ZMIZ1: variants seen among roughly 807,000 people sequenced by gnomAD.
ZMIZ1 encodes zinc finger MIZ-type containing 1.
ZMIZ1 carries 17 observed loss-of-function variants against 113.9 expected under a neutral mutation model. The observed-to-expected ratio is 0.15, with a 90% CI of 0.10 to 0.22. The LOEUF (loss-of-function observed/expected upper bound fraction) is 0.22. Ranked by LOEUF, ZMIZ1 falls within the 10% of genes least tolerant of loss-of-function variation. The pLI is 1.00. For synonymous variants in ZMIZ1, 607 were observed against 603.1 expected (o/e 1.01, Z -0.09); for missense variants, 1,059 against 1,477.8 (o/e 0.72, Z 4.65).
rs73302178 is a variant in ZMIZ1, at chr10:79,227,632, T to C, written c.280+11358T>C. Among the ~76,000 whole-genome samples the C allele has an allele frequency of 2.5e-3, 377 of 152,354 alleles. 3 individuals are homozygous for C. Among genetic ancestry groups the C allele is most frequent in the African/African-American group, 8.6e-3 (357 of 41,590 alleles). Reference sequence around the variant, plus strand: ...GGCCAGGTGTATAGGACATGCTGTATATGCGTGAGAAATTTTATTCCAGCC... The same window carrying C: ...GGCCAGGTGTATAGGACATGCTGTACATGCGTGAGAAATTTTATTCCAGCC... On this transcript the variant is annotated intron_variant, in intron 7 of 24. Coordinates refer to ENST00000334512, the MANE Select transcript of ZMIZ1 (RefSeq NM_020338.4).
In ZMIZ1 at chr10:79,252,396, G is replaced by A. The variant is rs546646544; in HGVS notation, c.281-24785G>A. ...TCTCCCCTGGGGTTTCTTCCCAGGT[G>A]TGGCTTTCCTGGTCATCCCCTCCTC... On this transcript the variant is annotated intron_variant, in intron 7 of 24. Transcript: ENST00000334512. Among the ~76,000 whole-genome samples, 13 of 152,250 alleles carry A rather than the reference G, an allele frequency of 8.5e-5. No homozygotes were observed. In the South Asian group the frequency reaches 2.7e-3, roughly 32 times the overall value.
At chr10:79,312,530 G>T in intron 24 of ZMIZ1, 112 bp from the exon 25 acceptor site, 2 of 1,119,636 alleles carry the variant, frequency 1.8e-6, no homozygotes, top group South Asian at 2.7e-5. Context: ...TTTTTGGCTA[G>T]GGTCCTGAGA....
chr10:79,140,400 C>T (rs145220895), intron 3 of ZMIZ1, among the ~76,000 whole-genome samples: 156 of 152,336 alleles, frequency 1.0e-3, no homozygotes, highest in Admixed American at 3.5e-3. Context: ...GCTCTGGCCA[C>T]GCCACAGCAG....
intron 3 of ZMIZ1, among the ~76,000 whole-genome samples, chr10:79,143,599 G>T (rs995130841): frequency 6.6e-6 from 1 of 152,176 alleles, no homozygotes; most frequent in Non-Finnish European, 1.5e-5. Flanking sequence ...GGGTTTCTGC[G>T]CTGAGAACTG....
At chr10:79,078,418 G>A (rs1361492796) in intron 1 of ZMIZ1, among the ~76,000 whole-genome samples, 9 of 152,002 alleles carry the variant, frequency 5.9e-5, no homozygotes, top group Non-Finnish European at 1.2e-4. Flanking sequence ...TGGCTTCTCA[G>A]GGCCACCAGT....
intron 16 of ZMIZ1, 141 bp downstream of exon 16, chr10:79,299,332 C>A: frequency 2.4e-6 from 3 of 1,264,384 alleles, no homozygotes; most frequent in Non-Finnish European, 2.1e-6. Context: ...ATTGACTGGG[C>A]CCTGTCCTGC....
intron 5 of ZMIZ1, among the ~76,000 whole-genome samples, chr10:79,202,452 A>AG (rs911954905): frequency 2.0e-4 from 31 of 152,040 alleles, no homozygotes; most frequent in Non-Finnish European, 3.2e-4. Context: ...TTTTAAAAAA[A>AG]GAAAAAAAAA....
At position 79,292,329 on chromosome 10, in the gene ZMIZ1, G is replaced by A. The variant is rs1047868875; in HGVS notation, c.930G>A (p.Gln310=). ...TATVAALQET[Q]NKDINQYGPM... is the part of the protein sequence containing the mutation. ...CTGTGGCAGCCCTGCAGGAGACACA[G>A]AACAAGGATATAAACCAGTATGGAC... Residue 310 remains glutamine, a synonymous_variant, in exon 11 of 25, where the codon CAG becomes CAA. Coordinates refer to ENST00000334512, the MANE Select transcript of ZMIZ1 (RefSeq NM_020338.4). 1 of 1,613,206 alleles carries A rather than the reference G, an allele frequency of 6.2e-7. No individual in the cohort carries two copies. The highest frequency in any genetic ancestry group is 1.1e-5 in the South Asian group (1 of 91,044).
At chr10:79,111,703 C>T (rs1843748772) in intron 1 of ZMIZ1, among the ~76,000 whole-genome samples, 1 of 152,254 alleles carries the variant, frequency 6.6e-6, no homozygotes, top group African/African-American at 2.4e-5. Context: ...AATTCCCAAG[C>T]TTGCCCCTTC....
chr10:79,273,938 T>C (rs1852103461), intron 7 of ZMIZ1, among the ~76,000 whole-genome samples: 1 of 152,238 alleles, frequency 6.6e-6, no homozygotes, highest in Non-Finnish European at 1.5e-5. Context: ...GGCAGTCACA[T>C]GTACTGGCCA....
intron 1 of ZMIZ1, among the ~76,000 whole-genome samples, chr10:79,092,158 A>G (rs1843001537): frequency 6.6e-6 from 1 of 152,164 alleles, no homozygotes; most frequent in African/African-American, 2.4e-5. Flanking sequence ...CTCAACCTGC[A>G]AAATGGGGAG....
intron 4 of ZMIZ1, among the ~76,000 whole-genome samples, chr10:79,185,508 CTT>C (rs72515568): frequency 6.7e-6 from 1 of 148,414 alleles, no homozygotes; most frequent in Non-Finnish European, 1.5e-5. Context: ...ACTTCTACAT[CTT>C]TTTTTTTTTC....
chr10:79,236,794 C>CT (rs1368766174), intron 7 of ZMIZ1, among the ~76,000 whole-genome samples: 1 of 152,218 alleles, frequency 6.6e-6, no homozygotes, highest in African/African-American at 2.4e-5. Context: ...GCAGCTGGTC[C>CT]TTGTTTCATT....
intron 7 of ZMIZ1, among the ~76,000 whole-genome samples, chr10:79,272,592 C>T (rs1203317043): frequency 2.0e-5 from 3 of 152,190 alleles, no homozygotes; most frequent in Non-Finnish European, 2.9e-5. Context: ...GTGCTAGCCT[C>T]GCCTGCTTCA....
intron 5 of ZMIZ1, among the ~76,000 whole-genome samples, chr10:79,207,727 C>A (rs529085769): frequency 2.0e-5 from 3 of 152,166 alleles, no homozygotes; most frequent in African/African-American, 7.2e-5. Flanking sequence ...AGTACAGGCA[C>A]GTGTGCTTCC....
chr10:79,255,582 T>A (rs1457245246), intron 7 of ZMIZ1, among the ~76,000 whole-genome samples: 2 of 152,130 alleles, frequency 1.3e-5, no homozygotes, highest in African/African-American at 4.8e-5. Flanking sequence ...TATTTCTCTG[T>A]GCTCTCCAAG....
At chr10:79,280,587 A>G (rs1852668802) in intron 8 of ZMIZ1, among the ~76,000 whole-genome samples, 1 of 149,750 alleles carries the variant, frequency 6.7e-6, no homozygotes, top group African/African-American at 2.5e-5. Flanking sequence ...CACAGGGGTA[A>G]TTTTTCTTGG....
At chr10:79,107,266 A>G (rs1843593255) in intron 1 of ZMIZ1, among the ~76,000 whole-genome samples, 1 of 152,346 alleles carries the variant, frequency 6.6e-6, no homozygotes, top group Admixed American at 6.5e-5. Flanking sequence ...CAGCTTTTGT[A>G]GCCTAGCGGG....
At chr10:79,115,250 C>T (rs1843970480) in intron 1 of ZMIZ1, among the ~76,000 whole-genome samples, 2 of 152,212 alleles carry the variant, frequency 1.3e-5, no homozygotes, top group Admixed American at 1.3e-4. Flanking sequence ...TGATGTTAGG[C>T]TGTGACCTAC....
Sources: gnomAD v4.1 joint callset for allele counts (sites outside exome capture counted in the v4.1 genomes callset) on GRCh38, gnomAD v4.1.1 for gene constraint, MANE v1.5 for transcripts, NCBI Gene and HGNC (gene_info 2026-07-23, HGNC 2026-07-21) for gene names.